The following SPRED1 variants were observed in gnomAD, a reference collection of about 807,000 sequenced individuals.
SPRED1 encodes the protein sprouty-related, EVH1 domain-containing protein 1.
SPRED1 carries 18 observed loss-of-function variants against 52.3 expected under a neutral mutation model. The observed-to-expected ratio is 0.34, with a 90% CI of 0.24 to 0.51. The LOEUF (loss-of-function observed/expected upper bound fraction) is 0.51, where lower values mean the gene tolerates loss of function less well. Among genes scored for constraint, SPRED1 ranks in the 20% least tolerant of loss-of-function variants. SPRED1 has a pLI of 0.97. For missense variants in SPRED1, 485 were observed against 551.0 expected (o/e 0.88, Z 1.20); for synonymous variants, 155 against 179.7 (o/e 0.86, Z 1.10).
chr15:38,270,722 C>G (rs1289694900), intron 1 of SPRED1, among the ~76,000 whole-genome samples: 5 of 152,166 alleles, frequency 3.3e-5, no homozygotes, highest in Non-Finnish European at 7.3e-5. Context: ...TCAGTGGGGA[C>G]ACAGAGCCAA....
At position 38,257,790 on chromosome 15, in the gene SPRED1, A is replaced by G. The variant is rs188119733; in HGVS notation, c.32+4573A>G. On this transcript the variant is annotated intron_variant, in intron 1 of 6. Transcript: ENST00000299084. The stretch of plus-strand genomic sequence containing the variant: ...TAGTGCCAAGGGTGAGGAACTGACT[A>G]GGGATAAAGAAGTGAAATTGATCAG... Among the ~76,000 whole-genome samples the G allele has an allele frequency of 2.6e-5, 4 of 152,336 alleles. No homozygotes were observed. The East Asian group carries it at 7.7e-4, about 29-fold the overall frequency.
intron 4 of SPRED1, among the ~76,000 whole-genome samples, chr15:38,333,663 T>G (rs1301925568): frequency 6.6e-6 from 1 of 152,138 alleles, no homozygotes; most frequent in African/African-American, 2.4e-5. Flanking sequence ...TGTGAATACA[T>G]GAATTGTTCA....
At chr15:38,254,732 T>G (rs1595709117) in intron 1 of SPRED1, among the ~76,000 whole-genome samples, 2 of 152,224 alleles carry the variant, frequency 1.3e-5, no homozygotes, top group African/African-American at 4.8e-5. Context: ...GGGGAGGTGC[T>G]GGGATCACGT....
Position 38,353,034 on chromosome 15 carries a change from T to TG in SPRED1, c.*1370_*1371insG, listed in dbSNP as rs1555392895. 1 of 152,322 alleles carries TG rather than the reference T, an allele frequency of 6.6e-6. No individual in the cohort carries two copies. The highest frequency in any genetic ancestry group is 2.4e-5 in the African/African-American group (1 of 41,414). 9.4% of individuals were successfully genotyped at this position (152,322 alleles called of 1,614,324 possible). A position where few individuals can be genotyped will look rare whatever the true frequency, so the allele number is the denominator to read the frequency against. On this transcript the variant is annotated 3_prime_UTR_variant, in exon 7 of 7. Coordinates refer to ENST00000299084, the MANE Select transcript of SPRED1 (RefSeq NM_152594.3). ...TTGAAGTCAAATTGTCTGTTTTTGT[T>TG]TTGTTGTTGTTGTTGTTGTTTTCTT...
chr15:38,257,420 G>T (rs1380846664), intron 1 of SPRED1, among the ~76,000 whole-genome samples: 1 of 152,118 alleles, frequency 6.6e-6, no homozygotes, highest in Non-Finnish European at 1.5e-5. Flanking sequence ...GGCCGAAAAA[G>T]AGTATGGGAA....
At chr15:38,301,693 A>G (rs2140980097) in intron 2 of SPRED1, among the ~76,000 whole-genome samples, 1 of 152,288 alleles carries the variant, frequency 6.6e-6, no homozygotes, top group Non-Finnish European at 1.5e-5. Context: ...TCTGCTGGGT[A>G]ATACACTGTG....
intron 1 of SPRED1, among the ~76,000 whole-genome samples, chr15:38,280,341 A>C (rs191147927): frequency 6.6e-6 from 1 of 152,186 alleles, no homozygotes; most frequent in African/African-American, 2.4e-5. Context: ...CAAAAACACT[A>C]TTCAGATTCT....
intron 1 of SPRED1, among the ~76,000 whole-genome samples, chr15:38,286,994 C>G (rs927428545): frequency 6.6e-6 from 1 of 152,232 alleles, no homozygotes; most frequent in Admixed American, 6.5e-5. Context: ...AGATGGTGAA[C>G]TTCTTGAGGG....
intron 3 of SPRED1, among the ~76,000 whole-genome samples, chr15:38,322,747 G>T (rs1230161542): frequency 2.0e-5 from 3 of 152,136 alleles, no homozygotes; most frequent in Admixed American, 1.3e-4. Context: ...TATTCTACTT[G>T]TGTATGTATG....
At chr15:38,282,818 TC>T (rs1595723947) in intron 1 of SPRED1, among the ~76,000 whole-genome samples, 2 of 152,188 alleles carry the variant, frequency 1.3e-5, no homozygotes, top group Non-Finnish European at 2.9e-5. Context: ...GTCTGTTTTT[TC>T]TTTAAGGACC....
intron 1 of SPRED1, among the ~76,000 whole-genome samples, chr15:38,291,410 G>A (rs1894921179): frequency 6.6e-6 from 1 of 152,200 alleles, no homozygotes; most frequent in South Asian, 2.1e-4. Context: ...TCTGGTAAAT[G>A]GTGGCCCTCT....
chr15:38,276,125 A>G (rs1436860696), intron 1 of SPRED1, among the ~76,000 whole-genome samples: 1 of 152,002 alleles, frequency 6.6e-6, no homozygotes, highest in Non-Finnish European at 1.5e-5. Flanking sequence ...TATTTATCAT[A>G]TGCTTGCTAT....
chr15:38,324,748 T>C lies in SPRED1; in HGVS notation c.377-15T>C, dbSNP rs1463161722. ...AAAAATTCTATACTTAATTAACTTT[T>C]ATCTATTTTCTTAGGATGCCCCGAA... On this transcript the variant is annotated splice_polypyrimidine_tract_variant and intron_variant, in intron 3 of 6. Coordinates refer to ENST00000299084, the MANE Select transcript of SPRED1 (RefSeq NM_152594.3). 1 of 1,592,324 alleles carries C rather than the reference T, an allele frequency of 6.3e-7. No individual in the cohort carries two copies. Among genetic ancestry groups the C allele is most frequent in the South Asian group, 1.1e-5 (1 of 87,852 alleles).
At chr15:38,346,542 C>T in intron 5 of SPRED1, among the ~76,000 whole-genome samples, 1 of 152,280 alleles carries the variant, frequency 6.6e-6, no homozygotes, top group South Asian at 2.1e-4. Context: ...AGGAACACCC[C>T]CAATCTATAC....
intron 1 of SPRED1, among the ~76,000 whole-genome samples, chr15:38,257,043 C>A (rs1894112122): frequency 6.6e-6 from 1 of 151,984 alleles, no homozygotes; most frequent in Non-Finnish European, 1.5e-5. Flanking sequence ...ACTTTATGAT[C>A]CTGAATTATA....
At chr15:38,276,556 T>G (rs913760071) in intron 1 of SPRED1, among the ~76,000 whole-genome samples, 4 of 152,178 alleles carry the variant, frequency 2.6e-5, no homozygotes, top group Admixed American at 2.0e-4. Flanking sequence ...CATGAGTTGG[T>G]CTTATTTTTC....
chr15:38,317,573 T>C (rs1414147405), intron 2 of SPRED1, among the ~76,000 whole-genome samples: 1 of 151,978 alleles, frequency 6.6e-6, no homozygotes, highest in African/African-American at 2.4e-5. Flanking sequence ...GTTACTAATA[T>C]TACTATTATC....
Position 38,351,182 on chromosome 15 carries a change from C to A in SPRED1, c.853C>A (p.Pro285Thr). The stretch of plus-strand genomic sequence containing the variant: ...TGATTCCAGTATTCAGTTTTCTAAA[C>A]CAGACAGTAAAAAATCAGACTATCT... ...DADSSIQFSK[P>T]DSKKSDYLYS... Residue 285 changes from proline (P) to threonine (T), a missense_variant, in exon 7 of 7, where the codon CCA becomes ACA. Coordinates refer to ENST00000299084, the MANE Select transcript of SPRED1 (RefSeq NM_152594.3). 6.2e-7 allele frequency: 1 copy of A among 1,614,064 alleles called. No individual in the cohort carries two copies. Among genetic ancestry groups the A allele is most frequent in the Non-Finnish European group, 8.5e-7 (1 of 1,180,008 alleles).
At chr15:38,293,085 A>G (rs4262908) in intron 1 of SPRED1, among the ~76,000 whole-genome samples, 118,408 of 137,254 alleles carry the variant, frequency 0.86, 51,378 homozygotes, top group Non-Finnish European at 0.9. Flanking sequence ...TAAGTAATTT[A>G]CCCAAGATTA....
Sources: allele counts gnomAD v4.1 joint callset (sites outside exome capture counted in the v4.1 genomes callset), GRCh38; gene constraint gnomAD v4.1.1; transcripts MANE v1.5; gene names NCBI Gene and HGNC (gene_info 2026-07-23, HGNC 2026-07-21).